The following UGT1A8 variants were observed in gnomAD, a reference collection of about 807,000 sequenced individuals.
The protein encoded by UGT1A8 is UDP-glucuronosyltransferase 1A8.
A neutral mutation model predicts 45.3 loss-of-function variants in UGT1A8; 39 were observed. The observed-to-expected ratio is 0.86, with a 90% CI of 0.67 to 1.12. UGT1A8 has a LOEUF of 1.12. Ranked by LOEUF, UGT1A8 falls within the 50% of genes most tolerant of loss-of-function variation. The pLI, the probability that UGT1A8 is intolerant of heterozygous loss-of-function variation, is 0.00. For missense variants in UGT1A8, 719 were observed against 664.9 expected, an observed-to-expected ratio of 1.08 and a Z score of -0.90; for synonymous variants, 275 against 249.2, an observed-to-expected ratio of 1.10 and a Z score of -0.97.
intron 1 of UGT1A8, among the ~76,000 whole-genome samples, chr2:233,730,664 G>A (rs11891311): frequency 0.41 from 62,447 of 151,822 alleles, 13,776 homozygotes; most frequent in African/African-American, 0.57. Context: ...GAGTTCGGAA[G>A]GCAAAGTAAT....
At chr2:233,654,645 G>A (rs1416523998) in intron 1 of UGT1A8, among the ~76,000 whole-genome samples, 3 of 152,206 alleles carry the variant, frequency 2.0e-5, no homozygotes, top group Non-Finnish European at 2.9e-5. Context: ...ATTGCTTGGC[G>A]ACATAGCAAC....
intron 1 of UGT1A8, among the ~76,000 whole-genome samples, chr2:233,652,295 A>G (rs187566318): frequency 1.7e-3 from 254 of 152,376 alleles, no homozygotes; most frequent in African/African-American, 6.0e-3. Context: ...TTTCAAATGT[A>G]TAGCAAGGAG....
intron 1 of UGT1A8, chr2:233,747,172 C>G: frequency 6.3e-7 from 1 of 1,596,738 alleles, no homozygotes. Flanking sequence ...GTAGGAGGCA[C>G]AGCGTGGGGT....
In UGT1A8 at chr2:233,636,802, G is replaced by A. The variant is rs776832853; in HGVS notation, c.855+18240G>A. ...TCAGAACCGGGAATTCATGGTTTTC[G>A]CCCATGCTCAATGGAAAGCACAGGC... is the stretch of plus-strand genomic sequence containing the variant. On this transcript the variant is annotated intron_variant, in intron 1 of 4. Transcript: ENST00000373450. 5.1e-5 allele frequency: 83 copies of A among 1,614,038 alleles called. No individual in the cohort carries two copies. The South Asian group carries it at 5.8e-4, about 11-fold the overall frequency.
At chr2:233,693,263 C>A (rs2075141941) in intron 1 of UGT1A8, 2 of 1,613,974 alleles carry the variant, frequency 1.2e-6, no homozygotes, top group African/African-American at 2.7e-5. Flanking sequence ...CCAAGAAGAG[C>A]TGAAGAACCG....
chr2:233,747,635 GA>G (rs1268887921), intron 1 of UGT1A8: 1 of 1,581,650 alleles, frequency 6.3e-7, no homozygotes, highest in African/African-American at 1.4e-5. Flanking sequence ...TCAGGCACCT[GA>G]ATGCTACTTC....
intron 1 of UGT1A8, chr2:233,712,849 T>C: frequency 3.9e-6 from 6 of 1,533,168 alleles, no homozygotes; most frequent in Non-Finnish European, 5.3e-6. Flanking sequence ...TAACGGGTAA[T>C]AAGTAACTGG....
chr2:233,639,319 C>G (rs1356931023), intron 1 of UGT1A8, among the ~76,000 whole-genome samples: 1 of 151,870 alleles, frequency 6.6e-6, no homozygotes, highest in Non-Finnish European at 1.5e-5. Flanking sequence ...ATGATTATAC[C>G]TGTAAAGGCA....
chr2:233,654,486 T>C (rs1403959813), intron 1 of UGT1A8, among the ~76,000 whole-genome samples: 2 of 152,114 alleles, frequency 1.3e-5, no homozygotes, highest in South Asian at 2.1e-4. Flanking sequence ...CAGCAGAGAG[T>C]CTCAACCTAT....
At chr2:233,758,352 G>C (rs141624801) in intron 1 of UGT1A8, among the ~76,000 whole-genome samples, 5 of 152,316 alleles carry the variant, frequency 3.3e-5, no homozygotes, top group Middle Eastern at 3.4e-3. Context: ...GCATGATGCA[G>C]GAAAGTCATA....
At chr2:233,660,592 A>G (rs1178293596) in intron 1 of UGT1A8, among the ~76,000 whole-genome samples, 1 of 152,180 alleles carries the variant, frequency 6.6e-6, no homozygotes, top group African/African-American at 2.4e-5. Flanking sequence ...TTTTCCCTTA[A>G]AGGCTCAAGG....
At chr2:233,713,877 A>G in intron 1 of UGT1A8, 2 of 1,613,698 alleles carry the variant, frequency 1.2e-6, no homozygotes, top group Non-Finnish European at 1.7e-6. Flanking sequence ...TGGTGCCTTT[A>G]TCCAATCAAT....
At chr2:233,638,987 C>A (rs1222386100) in intron 1 of UGT1A8, among the ~76,000 whole-genome samples, 1 of 152,174 alleles carries the variant, frequency 6.6e-6, no homozygotes, top group African/African-American at 2.4e-5. Flanking sequence ...CAAGCACCAC[C>A]CATGTGTTGC....
chr2:233,637,502 A>C, intron 1 of UGT1A8: 1 of 1,487,292 alleles, frequency 6.7e-7, no homozygotes, highest in Non-Finnish European at 8.9e-7. Context: ...CAGTTTAACA[A>C]ATTATTTTGT....
intron 1 of UGT1A8, among the ~76,000 whole-genome samples, chr2:233,732,197 G>T (rs1458776605): frequency 6.6e-6 from 1 of 152,132 alleles, no homozygotes; most frequent in Non-Finnish European, 1.5e-5. Flanking sequence ...TTAGCCCTTT[G>T]TCAGATGGGT....
intron 1 of UGT1A8, among the ~76,000 whole-genome samples, chr2:233,622,431 C>T (rs1310792941): frequency 6.6e-6 from 1 of 152,162 alleles, no homozygotes; most frequent in South Asian, 2.1e-4. Flanking sequence ...TTCTAATTGG[C>T]ATGAGATGAT....
rs944013638 is a variant in UGT1A8, at chr2:233,769,033, G to A, written c.1295+594G>A. 3.3e-5 allele frequency among the ~76,000 whole-genome samples: 5 copies of A among 152,006 alleles called. No individual in the cohort carries two copies. Among genetic ancestry groups the A allele is most frequent in the Admixed American group, 3.3e-4 (5 of 15,274 alleles). ...ATTTACATAAAAAGTTGCCATAATA[G>A]ACATCTGATCCATAAGTTTCCTGCA... On this transcript the variant is annotated intron_variant, in intron 4 of 4. Coordinates refer to ENST00000373450, the MANE Select transcript of UGT1A8 (RefSeq NM_019076.5). This position sits in a 1 kb window ranked among gnomAD's most constrained non-coding sequence, Gnocchi z 4.4.
At chr2:233,634,258 T>C (rs933443472) in intron 1 of UGT1A8, among the ~76,000 whole-genome samples, 3 of 152,184 alleles carry the variant, frequency 2.0e-5, no homozygotes, top group African/African-American at 4.8e-5. Flanking sequence ...ATAAGTGCAA[T>C]GTGGTGCTGA....
At chr2:233,689,698 T>C (rs894991640) in intron 1 of UGT1A8, among the ~76,000 whole-genome samples, 55 of 152,202 alleles carry the variant, frequency 3.6e-4, no homozygotes, top group African/African-American at 1.3e-3. Flanking sequence ...TCAGTCGTTA[T>C]TTCCCCTTAT....
Sources: gnomAD v4.1 joint callset for allele counts (sites outside exome capture counted in the v4.1 genomes callset) on GRCh38, gnomAD v4.1.1 for gene constraint, Gnocchi (gnomAD v3.1) non-coding constraint, MANE v1.5 for transcripts, NCBI Gene and HGNC (gene_info 2026-07-23, HGNC 2026-07-21) for gene names.